Variants in NMU observed in about 807,000 individuals in gnomAD.
NMU encodes neuromedin U.
NMU carries 29 observed loss-of-function variants against 35.4 expected under a neutral mutation model. The observed-to-expected ratio is 0.82, with a 90% confidence interval of 0.61 to 1.12. The LOEUF (loss-of-function observed/expected upper bound fraction) is 1.12, where lower values mean the gene tolerates loss of function less well. NMU is among the 50% of genes most tolerant of loss of function. The probability of loss-of-function intolerance (pLI) is 0.00; values close to 1 mark genes in which losing one functional copy is unlikely to be tolerated. For synonymous variants in NMU, 78 were observed against 81.3 expected (o/e 0.96, Z 0.22); for missense variants, 199 against 206.2 (o/e 0.97, Z 0.21).
chr4:55,600,158 C>T (rs974461766), intron 8 of NMU, among the ~76,000 whole-genome samples: 1 of 152,070 alleles, frequency 6.6e-6, no homozygotes, highest in Non-Finnish European at 1.5e-5. Context: ...TGAAAGTATT[C>T]GTAACTCTTC....
chr4:55,611,833 C>T (rs1048116550), intron 3 of NMU, among the ~76,000 whole-genome samples: 1 of 152,150 alleles, frequency 6.6e-6, no homozygotes. Context: ...GGACATATTT[C>T]TCAGAATGTA....
chr4:55,595,645 T>TA (rs1560509284), intron 9 of NMU, among the ~76,000 whole-genome samples: 212 of 88,500 alleles, frequency 2.4e-3, no homozygotes, highest in African/African-American at 8.4e-3. Context: ...ATATATATAT[T>TA]TTTTTTTTTT....
intron 3 of NMU, among the ~76,000 whole-genome samples, chr4:55,613,978 ATATTACT>A (rs1393099170): frequency 8.5e-5 from 13 of 152,220 alleles, no homozygotes; most frequent in African/African-American, 3.1e-4. Context: ...TAATTTATTA[ATATTACT>A]TATTCTTGTG....
intron 2 of NMU, among the ~76,000 whole-genome samples, chr4:55,625,923 G>A (rs1734509739): frequency 6.6e-6 from 1 of 151,722 alleles, no homozygotes. Flanking sequence ...CAGACAGCTG[G>A]GTTTCCTCCA....
intron 4 of NMU, among the ~76,000 whole-genome samples, 196 bp downstream of exon 4, chr4:55,608,924 T>G (rs1025025403): frequency 2.0e-5 from 3 of 152,188 alleles, no homozygotes; most frequent in Admixed American, 6.5e-5. Context: ...CCAATTAGAT[T>G]ACTGTAAGCT....
chr4:55,635,188 TG>T lies in NMU; in HGVS notation c.112+892del, dbSNP rs536125660. Among the ~76,000 whole-genome samples, 375 of 152,178 alleles carry T rather than the reference TG, an allele frequency of 2.5e-3. 2 individuals are homozygous for T. Among genetic ancestry groups the T allele is most frequent in the African/African-American group, 8.9e-3 (371 of 41,526 alleles). On this transcript the variant is annotated intron_variant, in intron 1 of 9. Coordinates refer to ENST00000264218, the MANE Select transcript of NMU (RefSeq NM_006681.4). The stretch of plus-strand genomic sequence containing the variant: ...GTTGGCAATGGAGGGAACCCTGACT[TG>T]GGGATGAATGACGGTCCCCATAAGG...
At chr4:55,606,332 AT>A (rs1300816114) in intron 6 of NMU, among the ~76,000 whole-genome samples, 1 of 152,204 alleles carries the variant, frequency 6.6e-6, no homozygotes, top group Non-Finnish European at 1.5e-5. Flanking sequence ...GTTGGTTAAC[AT>A]TTTTAAAACC....
At chr4:55,607,092 T>TGAAC (rs1560515678) in intron 6 of NMU, among the ~76,000 whole-genome samples, 1 of 152,220 alleles carries the variant, frequency 6.6e-6, no homozygotes, top group African/African-American at 2.4e-5. Context: ...AATGAATGAA[T>TGAAC]GAACGAATCA....
intron 6 of NMU, 52 bp from the exon 7 acceptor site, chr4:55,605,401 G>A (rs368641495): frequency 4.0e-6 from 5 of 1,251,970 alleles, no homozygotes; most frequent in African/African-American, 2.9e-5. Flanking sequence ...CTCAGCAGTG[G>A]CCATCAAGAC....
chr4:55,597,495 A>G (rs1733235893), intron 9 of NMU, among the ~76,000 whole-genome samples: 1 of 151,796 alleles, frequency 6.6e-6, no homozygotes, highest in Non-Finnish European at 1.5e-5. Flanking sequence ...CAGCCTCCCG[A>G]GTAGCTGGGA....
chr4:55,619,523 G>A (rs11723876), intron 2 of NMU, among the ~76,000 whole-genome samples: 6,864 of 142,792 alleles, frequency 0.048, 210 homozygotes, highest in Non-Finnish European at 0.073. Flanking sequence ...TACGCCCACG[G>A]AATCTCGCTG....
At chr4:55,596,483 C>A (rs59494560) in intron 9 of NMU, among the ~76,000 whole-genome samples, 4,750 of 150,964 alleles carry the variant, frequency 0.031, 128 homozygotes, top group African/African-American at 0.072. Context: ...TAATATTAAG[C>A]TATTTAATAA....
Position 55,610,219 on chromosome 4 carries a change from T to C in NMU, c.220-1040A>G, listed in dbSNP as rs536575548. Among the ~76,000 whole-genome samples, 6 of 152,238 alleles carry C rather than the reference T, an allele frequency of 3.9e-5. No individual in the cohort carries two copies. The South Asian group carries it at 1.2e-3, about 32-fold the overall frequency. On this transcript the variant is annotated intron_variant, in intron 3 of 9. Transcript: ENST00000264218. ...GGCTCACGCCTGTAATGCCAGCACT[T>C]TGGGAGGCTGAGGCAGATGGATCAC...
At chr4:55,618,570 TTTC>T (rs1451562987) in intron 2 of NMU, among the ~76,000 whole-genome samples, 1 of 152,144 alleles carries the variant, frequency 6.6e-6, no homozygotes, top group Non-Finnish European at 1.5e-5. Context: ...ACTTCCTTTC[TTTC>T]TTTTCTTTCT....
chr4:55,605,490 G>C (rs1733644752), intron 6 of NMU, 141 bp from the exon 7 acceptor site: 1 of 725,828 alleles, frequency 1.4e-6, no homozygotes, highest in African/African-American at 1.7e-5. Flanking sequence ...ACCTAAAACA[G>C]GTCTTTGGGA....
At chr4:55,618,564 CCTTTCTTTCTTTT>C (rs1174533437) in intron 2 of NMU, among the ~76,000 whole-genome samples, 1 of 152,056 alleles carries the variant, frequency 6.6e-6, no homozygotes, top group Non-Finnish European at 1.5e-5. Context: ...ATCTTAACTT[CCTTTCTTTCTTTT>C]CTTTCTTTCT....
At chr4:55,618,824 TTTC>T (rs1441702360) in intron 2 of NMU, among the ~76,000 whole-genome samples, 6 of 151,240 alleles carry the variant, frequency 4.0e-5, no homozygotes, top group Non-Finnish European at 7.4e-5. Flanking sequence ...TTCTTCTCTC[TTTC>T]TTCTTTCTTT....
chr4:55,607,653 T>C (rs1352112669), intron 4 of NMU, among the ~76,000 whole-genome samples, 187 bp from the exon 5 acceptor site: 1 of 152,184 alleles, frequency 6.6e-6, no homozygotes, highest in East Asian at 1.9e-4. Flanking sequence ...TAATTGAATA[T>C]TGTTTACAAA....
intron 8 of NMU, among the ~76,000 whole-genome samples, chr4:55,599,731 G>T (rs114562310): frequency 0.022 from 3,304 of 152,232 alleles, 107 homozygotes; most frequent in African/African-American, 0.075. Flanking sequence ...TTCAGCCCTT[G>T]AAGTCTTCTC....
Sources: allele counts gnomAD v4.1 joint callset (sites outside exome capture counted in the v4.1 genomes callset), GRCh38; gene constraint gnomAD v4.1.1; transcripts MANE v1.5; gene names NCBI Gene and HGNC (gene_info 2026-07-23, HGNC 2026-07-21).